The following TRAPPC11 variants were observed in gnomAD, a reference collection of about 807,000 sequenced individuals.
The protein encoded by TRAPPC11 is foie gras homolog.
TRAPPC11 carries 104 observed loss-of-function variants against 151.2 expected under a neutral mutation model. The observed-to-expected ratio is 0.69, with a 90% CI of 0.59 to 0.81. TRAPPC11 has a LOEUF of 0.81. Among genes scored for constraint, TRAPPC11 ranks in the 30% least tolerant of loss-of-function variants. The probability of loss-of-function intolerance (pLI) is 0.00; values close to 1 mark genes in which losing one functional copy is unlikely to be tolerated. For synonymous variants in TRAPPC11, 456 were observed against 472.3 expected (o/e 0.97, Z 0.45); for missense variants, 1,230 against 1,349.6 (o/e 0.91, Z 1.39).
intron 25 of TRAPPC11, among the ~76,000 whole-genome samples, chr4:183,699,235 T>C (rs962092546): frequency 3.9e-5 from 6 of 152,202 alleles, no homozygotes; most frequent in African/African-American, 1.2e-4. Context: ...TTGGAACTTT[T>C]GTGTAAAACC....
In TRAPPC11 at chr4:183,713,144, C is replaced by A. The variant is rs938486871; in HGVS notation, c.*500C>A. The A allele has an allele frequency of 2.0e-5, 3 of 152,840 alleles. No individual in the cohort carries two copies. The highest frequency in any genetic ancestry group is 7.2e-5 in the African/African-American group (3 of 41,462). The allele number at this position is 152,840 out of a possible 1,614,324, so 9.5% of individuals were successfully genotyped here. On this transcript the variant is annotated 3_prime_UTR_variant, in exon 30 of 30. Coordinates refer to ENST00000334690, the MANE Select transcript of TRAPPC11 (RefSeq NM_021942.6). Reference sequence around the variant, plus strand: ...GGAGTTGTATGACTGATACGGAAAACTTCCAGAAAGTTTTAATCAAAGCAG... The same window carrying A: ...GGAGTTGTATGACTGATACGGAAAAATTCCAGAAAGTTTTAATCAAAGCAG...
At chr4:183,671,438 A>T (rs1479134043) in intron 5 of TRAPPC11, among the ~76,000 whole-genome samples, 1 of 151,902 alleles carries the variant, frequency 6.6e-6, no homozygotes, top group Admixed American at 6.6e-5. Flanking sequence ...GGATGTAAGG[A>T]CCCCACCCCT....
chr4:183,661,750 G>A (rs1734558247), intron 1 of TRAPPC11, among the ~76,000 whole-genome samples: 1 of 140,842 alleles, frequency 7.1e-6, no homozygotes, highest in African/African-American at 2.7e-5. Flanking sequence ...AATTTTGTTT[G>A]GAATAACTTT....
At chr4:183,704,476 G>A (rs1287037007) in intron 26 of TRAPPC11, among the ~76,000 whole-genome samples, 1 of 144,120 alleles carries the variant, frequency 6.9e-6, no homozygotes, top group East Asian at 2.0e-4. Context: ...AGCCAAGGTT[G>A]CACCATTGCA....
In TRAPPC11 at chr4:183,677,466, G is replaced by C. The variant is rs1441893342; in HGVS notation, c.743G>C (p.Arg248Thr). The C allele has an allele frequency of 1.3e-6, 2 of 1,595,956 alleles. No individual in the cohort carries two copies. Among genetic ancestry groups the C allele is most frequent in the Non-Finnish European group, 1.7e-6 (2 of 1,166,000 alleles). The change falls in exon 8 of 30, where the codon AGG becomes ACG. Residue 248 changes from arginine to threonine, a missense_variant. Physicochemically the swap from Arg to Thr is moderately conservative, Grantham distance 71 (BLOSUM62 -1). Coordinates refer to ENST00000334690, the MANE Select transcript of TRAPPC11 (RefSeq NM_021942.6). ...CCACCCTCCTCATTTAGGAATTATA[G>C]GACCGCCTATAATCTTGTACACGAA... ...QDTQNALKNYRTAYNLVHELR... is the reference protein window; with the variant it reads ...QDTQNALKNYTTAYNLVHELR...
At chr4:183,680,571 T>TTTTG (rs1236176422) in intron 10 of TRAPPC11, among the ~76,000 whole-genome samples, 1 of 152,136 alleles carries the variant, frequency 6.6e-6, no homozygotes, top group Non-Finnish European at 1.5e-5. Flanking sequence ...AAATCCATTG[T>TTTTG]TTTGTTTCTA....
chr4:183,679,303 T>C, intron 8 of TRAPPC11, 50 bp from the exon 9 acceptor site: 1 of 1,500,412 alleles, frequency 6.7e-7, no homozygotes, highest in Admixed American at 2.4e-5. Context: ...GAATATGTCT[T>C]TTGACTTTCT....
chr4:183,663,921 CT>C lies in TRAPPC11; in HGVS notation c.57del (p.Phe19LeufsTer4). Reference sequence around the variant, plus strand: ...TGGAATTATGTTGCCGGCCTATGGCCTTTGTTACTCTAACGGGCCTGGATGT... The same window carrying C: ...TGGAATTATGTTGCCGGCCTATGGCCTTGTTACTCTAACGGGCCTGGATGT... Reference protein sequence around the residue: ...PVELCCRPMAFVTLTGLDVVY... With the variant: ...PVELCCRPMAXVTLTGLDVVY... On this transcript the variant is annotated frameshift_variant, in exon 2 of 30. Transcript: ENST00000334690. LOFTEE classifies it high-confidence loss of function. 1 of 1,614,108 alleles carries C rather than the reference CT, an allele frequency of 6.2e-7. No homozygotes were observed. Among genetic ancestry groups the C allele is most frequent in the East Asian group, 2.2e-5 (1 of 44,888 alleles).
At chr4:183,680,679 CTTTTTTTTTTTTT>C (rs71589581) in intron 10 of TRAPPC11, among the ~76,000 whole-genome samples, 2 of 82,964 alleles carry the variant, frequency 2.4e-5, no homozygotes, top group African/African-American at 1.1e-4. Context: ...TATGGAGACT[CTTTTTTTTTTTTT>C]TTTTTTTTGG....
intron 28 of TRAPPC11, 82 bp from the exon 29 acceptor site, chr4:183,708,325 G>T: frequency 7.1e-7 from 1 of 1,405,048 alleles, no homozygotes; most frequent in Non-Finnish European, 9.7e-7. Context: ...CCAATCTTTT[G>T]TAAATAATTG....
intron 26 of TRAPPC11, among the ~76,000 whole-genome samples, chr4:183,704,629 C>T (rs554810025): frequency 1.3e-5 from 2 of 151,092 alleles, no homozygotes; most frequent in Admixed American, 6.6e-5. Context: ...CTAGCTAACA[C>T]GGTGAAACCC....
In TRAPPC11 at chr4:183,684,818, A is replaced by C. The variant is rs757870076; in HGVS notation, c.1544A>C (p.Tyr515Ser). ...GCCCAATTAAAGGATTACATTACTT[A>C]CTCCCTAGAACTCCTTGGTAGAGGT... ...LMAQLKDYIT[Y>S]SLELLGRAST... Residue 515 changes from tyrosine (Y) to serine (S), a missense_variant, in exon 15 of 30, where the codon TAC becomes TCC. Tyr to Ser is a moderately radical substitution (Grantham distance 144, BLOSUM62 -2). Transcript: ENST00000334690. 2 of 1,613,400 alleles carry C rather than the reference A, an allele frequency of 1.2e-6. No individual in the cohort carries two copies. The highest frequency in any genetic ancestry group is 3.3e-5 in the Admixed American group (2 of 59,950).
rs950674137 is a variant in TRAPPC11, at chr4:183,706,454, C to T, written c.3056-353C>T. ...AGGACAATGGCGTGAACCCGGGAGG[C>T]GGAGCTTGCAGTGAGCCGAGATAGC... On this transcript the variant is annotated intron_variant, in intron 27 of 29. Coordinates refer to ENST00000334690, the MANE Select transcript of TRAPPC11 (RefSeq NM_021942.6). Among the ~76,000 whole-genome samples, 38 of 150,910 alleles carry T rather than the reference C, an allele frequency of 2.5e-4. 1 individual carries two copies. Among genetic ancestry groups the T allele is most frequent in the African/African-American group, 7.3e-4 (30 of 41,032 alleles).
At chr4:183,707,153 T>C (rs1737115471) in intron 28 of TRAPPC11, among the ~76,000 whole-genome samples, 1 of 152,158 alleles carries the variant, frequency 6.6e-6, no homozygotes, top group Admixed American at 6.6e-5. Context: ...GGGTTCTTCT[T>C]ATAAAACAGA....
At chr4:183,693,268 T>C in intron 20 of TRAPPC11, 121 bp downstream of exon 20, 3 of 995,092 alleles carry the variant, frequency 3.0e-6, no homozygotes, top group Admixed American at 3.1e-5. Context: ...CACGACTCAC[T>C]GTAGCCTTGA....
Position 183,674,706 on chromosome 4 carries a change from T to C in TRAPPC11, c.561-7T>C, listed in dbSNP as rs1228816846. 2 of 1,509,954 alleles carry C rather than the reference T, an allele frequency of 1.3e-6. No individual in the cohort carries two copies. The highest frequency in any genetic ancestry group is 1.8e-6 in the Non-Finnish European group (2 of 1,124,056). The allele number at this position is 1,509,954 out of a possible 1,614,324, so 93.5% of individuals were successfully genotyped here. A position where few individuals can be genotyped will look rare whatever the true frequency, so the allele number is the denominator to read the frequency against. ...TGTAAATGCTTGTTTGTTTTTGTTT[T>C]TTACAGATTGGAAAATGCCTTTTAT... On this transcript the variant is annotated splice_region_variant and splice_polypyrimidine_tract_variant and intron_variant, in intron 5 of 29. Coordinates refer to ENST00000334690, the MANE Select transcript of TRAPPC11 (RefSeq NM_021942.6).
rs1460739570 is a variant in TRAPPC11, at chr4:183,685,222, TG to T, written c.1630-47del. On this transcript the variant is annotated intron_variant, in intron 16 of 29. Transcript: ENST00000334690. ...TATCTATATCAACTAATCCAAGTAG[TG>T]GTTTTTATTCAACTAGTTGAATGGA... 2.5e-6 allele frequency: 4 copies of T among 1,609,088 alleles called. No individual in the cohort carries two copies. In the African/African-American group the frequency reaches 4.0e-5, roughly 16 times the overall value.
intron 5 of TRAPPC11, among the ~76,000 whole-genome samples, chr4:183,671,684 G>A (rs1735165775): frequency 6.6e-6 from 1 of 152,196 alleles, no homozygotes; most frequent in Admixed American, 6.5e-5. Context: ...TCCTTCACCT[G>A]AAAACCGGTA....
chr4:183,660,940 T>TCC lies in TRAPPC11; in HGVS notation c.-22+1493_-22+1494insCC, dbSNP rs1363934454. ...TATTGGCCAGGCTGGTTTTGAACCG[T>TCC]TGACCTCGTGAATCGCCCGCCTTGG... On this transcript the variant is annotated intron_variant, in intron 1 of 29. Transcript: ENST00000334690. Among the ~76,000 whole-genome samples, 193 of 148,404 alleles carry TCC rather than the reference T, an allele frequency of 1.3e-3. 2 individuals carry two copies. The highest frequency in any genetic ancestry group is 3.3e-3 in the African/African-American group (136 of 41,318).
Sources: gnomAD v4.1 joint callset for allele counts (sites outside exome capture counted in the v4.1 genomes callset) on GRCh38, gnomAD v4.1.1 for gene constraint, MANE v1.5 for transcripts, NCBI Gene and HGNC (gene_info 2026-07-23, HGNC 2026-07-21) for gene names.